Variants in AGXT2 observed in about 807,000 individuals in gnomAD.
The protein encoded by AGXT2 is alanine--glyoxylate aminotransferase 2, mitochondrial.
AGXT2 carries 61 observed loss-of-function variants against 62.5 expected under a neutral mutation model. That is an observed-to-expected ratio of 0.98 (90% CI 0.79 to 1.21). The LOEUF (loss-of-function observed/expected upper bound fraction) is 1.21. AGXT2 is among the 50% of genes most tolerant of loss of function. AGXT2 has a pLI of 0.00. For missense variants in AGXT2, 666 were observed against 641.5 expected (o/e 1.04, Z -0.41); for synonymous variants, 243 against 218.7 (o/e 1.11, Z -0.98).
At chr5:35,014,270 G>A in intron 9 of AGXT2, 151 bp from the exon 10 acceptor site, 1 of 1,029,408 alleles carries the variant, frequency 9.7e-7, no homozygotes, top group Non-Finnish European at 1.4e-6. Context: ...TGGCCAAGAT[G>A]GTGAAACCCT....
rs551164183 is a variant in AGXT2 at position 35,000,856 on chromosome 5, C to G, written c.1438-2030G>C. Among the ~76,000 whole-genome samples the G allele has an allele frequency of 1.6e-4, 25 of 152,214 alleles. No individual in the cohort carries two copies. The East Asian group carries it at 2.7e-3, about 16-fold the overall frequency. On this transcript the variant is annotated intron_variant, in intron 13 of 13. Transcript: ENST00000231420. ...GAGCTACAGACTTCTACAGATGGTC[C>G]CTGACAGAATATTTTTGACTTTACA...
intron 7 of AGXT2, among the ~76,000 whole-genome samples, chr5:35,028,072 G>A (rs915659983): frequency 5.3e-5 from 8 of 151,680 alleles, no homozygotes; most frequent in African/African-American, 1.9e-4. Flanking sequence ...CCTGGACTTC[G>A]TCATCTCTTC....
At chr5:35,004,233 C>G (rs139670405) in intron 12 of AGXT2, among the ~76,000 whole-genome samples, 2 of 152,306 alleles carry the variant, frequency 1.3e-5, no homozygotes, top group African/African-American at 4.8e-5. Flanking sequence ...TAACTCTTCA[C>G]TTTGTTCTGC....
At chr5:35,043,559 A>T (rs960229238) in intron 1 of AGXT2, among the ~76,000 whole-genome samples, 1 of 152,028 alleles carries the variant, frequency 6.6e-6, no homozygotes, top group Admixed American at 6.6e-5. Flanking sequence ...TTGAGACAGG[A>T]TCTCCTTCTG....
chr5:35,025,858 G>A lies in AGXT2; in HGVS notation c.871-3C>T, dbSNP rs142231288. The A allele has an allele frequency of 1.2e-6, 2 of 1,613,856 alleles. No homozygotes were observed. Among genetic ancestry groups the A allele is most frequent in the East Asian group, 4.5e-5 (2 of 44,876 alleles). ...TACTGGACAACTCCATTCACACCCT[G>A]CAAAAGACCAGACCAAGAAGACCTA... On this transcript the variant is annotated splice_polypyrimidine_tract_variant and splice_region_variant and intron_variant, in intron 8 of 13. Transcript: ENST00000231420.
chr5:35,005,481 T>C (rs1374199820), intron 12 of AGXT2, among the ~76,000 whole-genome samples: 1 of 152,122 alleles, frequency 6.6e-6, no homozygotes, highest in East Asian at 1.9e-4. Flanking sequence ...CACCTCAGCC[T>C]CCCAAAGTGC....
intron 1 of AGXT2, among the ~76,000 whole-genome samples, chr5:35,041,223 C>CGA (rs70973023): frequency 5.8e-5 from 3 of 51,402 alleles, no homozygotes; most frequent in Non-Finnish European, 1.0e-4. Flanking sequence ...CTCCCCCCGC[C>CGA]AAAAAAAAAA....
intron 7 of AGXT2, chr5:35,026,787 G>A (rs1767370618): frequency 5.2e-6 from 5 of 952,650 alleles, no homozygotes; most frequent in South Asian, 9.7e-5. Context: ...GGGAAGAAAC[G>A]TCCCAAAGTG....
intron 1 of AGXT2, among the ~76,000 whole-genome samples, chr5:35,043,977 C>T (rs1368041942): frequency 1.3e-5 from 2 of 152,132 alleles, no homozygotes; most frequent in Non-Finnish European, 2.9e-5. Context: ...CAGGCGTGAA[C>T]CACTAAGCCT....
chr5:35,023,075 G>T (rs181855421), intron 9 of AGXT2, among the ~76,000 whole-genome samples: 18 of 143,734 alleles, frequency 1.3e-4, no homozygotes, highest in Admixed American at 5.0e-4. Context: ...CTTTTATTCC[G>T]ATATTGTTTT....
In AGXT2 at chr5:35,025,768, C is replaced by T. The variant is rs1767313422; in HGVS notation, c.958G>A (p.Asp320Asn). 6.2e-7 allele frequency: 1 copy of T among 1,614,138 alleles called. No individual in the cohort carries two copies. The highest frequency in any genetic ancestry group is 8.5e-7 in the Non-Finnish European group (1 of 1,179,986). ...CACCCTTACATGCCACTTACTTCAT[C>T]TGCAATGCACACGCCTCCCCTTGCT... ...VRARGGVCIA[D>N]EVQTGFGRLG... The change falls in exon 9 of 14, where the codon GAT (aspartate) becomes AAT (asparagine). Residue 320 changes from aspartate (D) to asparagine (N), a missense_variant. By Grantham distance (23) the Asp-to-Asn change is conservative. Coordinates refer to ENST00000231420, the MANE Select transcript of AGXT2 (RefSeq NM_031900.4).
intron 12 of AGXT2, among the ~76,000 whole-genome samples, chr5:35,008,862 A>G (rs1054880851): frequency 6.6e-6 from 1 of 152,192 alleles, no homozygotes; most frequent in African/African-American, 2.4e-5. Context: ...TAGTCTGGCT[A>G]TTCCTCCCTA....
At chr5:35,003,905 G>T (rs150615567) in intron 12 of AGXT2, 44 bp from the exon 13 acceptor site, 2 of 1,580,590 alleles carry the variant, frequency 1.3e-6, no homozygotes, top group Non-Finnish European at 1.7e-6. Context: ...GTGTTGGAAT[G>T]GTTAAAGGAA....
In AGXT2 at chr5:35,037,072, A is replaced by T. The variant is rs778316064; in HGVS notation, c.363-7T>A. 183 of 1,613,792 alleles carry T rather than the reference A, an allele frequency of 1.1e-4. No homozygotes were observed. The highest frequency in any genetic ancestry group is 1.5e-4 in the Non-Finnish European group (173 of 1,179,970). On this transcript the variant is annotated splice_region_variant and splice_polypyrimidine_tract_variant and intron_variant, in intron 3 of 13. Transcript: ENST00000231420. ...TGCCACTGCATTCACCTTTCTGGAT[A>T]AGCAGTACAGCAGAGTTACCTGCAC...
At chr5:35,011,023 T>C (rs564981990) in intron 11 of AGXT2, among the ~76,000 whole-genome samples, 1 of 152,328 alleles carries the variant, frequency 6.6e-6, no homozygotes, top group South Asian at 2.1e-4. Context: ...ACACCTGTGG[T>C]TCTTGACAAG....
chr5:35,009,007 A>C (rs1410323259), intron 12 of AGXT2, among the ~76,000 whole-genome samples: 1 of 152,224 alleles, frequency 6.6e-6, no homozygotes, highest in Non-Finnish European at 1.5e-5. Flanking sequence ...AAGAGATATC[A>C]ATGAGTCCTG....
chr5:35,036,799 G>A, intron 4 of AGXT2, 143 bp downstream of exon 4: 1 of 1,186,434 alleles, frequency 8.4e-7, no homozygotes, highest in Admixed American at 1.9e-5. Context: ...GATGTTCAGT[G>A]CACAGGCTAA....
intron 4 of AGXT2, among the ~76,000 whole-genome samples, chr5:35,036,083 A>G (rs1236077010): frequency 4.6e-3 from 8 of 1,738 alleles, no homozygotes; most frequent in African/African-American, 6.8e-3. Context: ...TCTCAAAAAG[A>G]AAAAAAAAAG....
chr5:35,045,968 C>T (rs1023005500), intron 1 of AGXT2, among the ~76,000 whole-genome samples: 1 of 152,020 alleles, frequency 6.6e-6, no homozygotes, highest in South Asian at 2.1e-4. Flanking sequence ...AGGGTTTCCC[C>T]GTGTTAGCCA....
Sources: allele counts gnomAD v4.1 joint callset (sites outside exome capture counted in the v4.1 genomes callset), GRCh38; gene constraint gnomAD v4.1.1; transcripts MANE v1.5; gene names NCBI Gene and HGNC (gene_info 2026-07-23, HGNC 2026-07-21).